The following CNTN3 variants were observed in gnomAD, a reference collection of about 807,000 sequenced individuals.
CNTN3 encodes the protein contactin 3.
Under a neutral mutation model 119.1 loss-of-function variants are expected in CNTN3, and 60 were observed. The observed-to-expected ratio is 0.50, with a 90% CI of 0.41 to 0.62. CNTN3 has a LOEUF of 0.62. Among genes scored for constraint, CNTN3 ranks in the 20% least tolerant of loss-of-function variants. The probability of loss-of-function intolerance (pLI) is 0.00; values close to 1 mark genes in which losing one functional copy is unlikely to be tolerated. For synonymous variants in CNTN3, 450 were observed against 438.7 expected (o/e 1.03, Z -0.32); for missense variants, 1,101 against 1,242.4 (o/e 0.89, Z 1.71).
chr3:74,445,378 T>A (rs928765036), intron 4 of CNTN3, among the ~76,000 whole-genome samples: 1 of 152,082 alleles, frequency 6.6e-6, no homozygotes, highest in Non-Finnish European at 1.5e-5. Context: ...TTCTCCTGCC[T>A]CAGCCTCTCG....
At chr3:74,458,067 G>C in intron 4 of CNTN3, among the ~76,000 whole-genome samples, 1 of 151,940 alleles carries the variant, frequency 6.6e-6, no homozygotes, top group East Asian at 1.9e-4. Context: ...GAGTGTTCCA[G>C]ACAAATGGAG....
chr3:74,494,610 C>T (rs1351296340), intron 3 of CNTN3, among the ~76,000 whole-genome samples: 3 of 152,056 alleles, frequency 2.0e-5, no homozygotes, highest in African/African-American at 7.2e-5. Context: ...GAATATCTTA[C>T]AGAATCAACT....
At chr3:74,551,281 CAGACTGATAA>C in intron 1 of CNTN3, among the ~76,000 whole-genome samples, 1 of 152,280 alleles carries the variant, frequency 6.6e-6, no homozygotes, top group African/African-American at 2.4e-5. Flanking sequence ...CAGAAGCTGT[CAGACTGATAA>C]AGAGGTATAG....
intron 20 of CNTN3, among the ~76,000 whole-genome samples, chr3:74,274,124 CACGCCCATCCCCCCAGCAG>C (rs570713552): frequency 6.6e-4 from 101 of 152,212 alleles, no homozygotes; most frequent in African/African-American, 2.4e-3. Context: ...CTGGGAACCT[CACGCCCATCCCCCCAGCAG>C]CTACGGCAAG....
intron 4 of CNTN3, among the ~76,000 whole-genome samples, chr3:74,449,404 C>CA (rs35918671): frequency 0.15 from 23,230 of 151,336 alleles, 2,040 homozygotes; most frequent in East Asian, 0.46. Context: ...TCTGCTGAAT[C>CA]AAAAAAAATG....
intron 2 of CNTN3, among the ~76,000 whole-genome samples, chr3:74,507,704 T>C (rs1379501555): frequency 6.9e-6 from 1 of 143,920 alleles, no homozygotes; most frequent in African/African-American, 2.6e-5. Flanking sequence ...CAATCTTGAC[T>C]CACTGCAACC....
intron 4 of CNTN3, among the ~76,000 whole-genome samples, chr3:74,426,121 G>A (rs1191854877): frequency 2.0e-5 from 3 of 152,074 alleles, no homozygotes; most frequent in Admixed American, 6.6e-5. Flanking sequence ...TTAAATTAAA[G>A]GAGAGAGAAA....
At chr3:74,585,921 C>A (rs1240780538) in intron 1 of CNTN3, among the ~76,000 whole-genome samples, 1 of 152,156 alleles carries the variant, frequency 6.6e-6, no homozygotes, top group Admixed American at 6.5e-5. Context: ...TTTATTTCAA[C>A]TTTCCACAGA....
intron 1 of CNTN3, among the ~76,000 whole-genome samples, chr3:74,528,482 C>T (rs1014982133): frequency 6.6e-6 from 1 of 151,824 alleles, no homozygotes; most frequent in East Asian, 1.9e-4. Context: ...TTTAGCTTGA[C>T]ATGTATGTAG....
At chr3:74,326,971 A>G (rs1346421395) in intron 13 of CNTN3, among the ~76,000 whole-genome samples, 1 of 152,136 alleles carries the variant, frequency 6.6e-6, no homozygotes, top group Non-Finnish European at 1.5e-5. Flanking sequence ...TTTAAAAGTC[A>G]GTAATTGGTC....
intron 5 of CNTN3, among the ~76,000 whole-genome samples, chr3:74,397,024 T>C (rs1307048370): frequency 2.0e-5 from 3 of 152,284 alleles, no homozygotes; most frequent in Admixed American, 1.3e-4. Context: ...AGGACTTTTA[T>C]AGCCAGAGAT....
intron 8 of CNTN3, among the ~76,000 whole-genome samples, 157 bp from the exon 9 acceptor site, chr3:74,365,859 C>T (rs1267469820): frequency 6.6e-6 from 1 of 152,100 alleles, no homozygotes; most frequent in East Asian, 1.9e-4. Flanking sequence ...ATTTTATTCA[C>T]TAAGTATCTA....
intron 5 of CNTN3, among the ~76,000 whole-genome samples, chr3:74,424,208 C>T (rs1701658635): frequency 6.6e-6 from 1 of 152,026 alleles, no homozygotes; most frequent in Admixed American, 6.6e-5. Context: ...CAGGCTCATA[C>T]TGGGGAGATA....
intron 4 of CNTN3, among the ~76,000 whole-genome samples, chr3:74,468,405 T>G (rs1322179498): frequency 6.6e-6 from 1 of 152,206 alleles, no homozygotes; most frequent in Non-Finnish European, 1.5e-5. Flanking sequence ...AAAAATTAAA[T>G]GTACATGTCA....
At chr3:74,497,665 A>G (rs1355899926) in intron 3 of CNTN3, among the ~76,000 whole-genome samples, 1 of 151,860 alleles carries the variant, frequency 6.6e-6, no homozygotes, top group Non-Finnish European at 1.5e-5. Flanking sequence ...TCATCAAACA[A>G]TACCAAACAT....
chr3:74,414,826 C>T (rs1701493379), intron 5 of CNTN3, among the ~76,000 whole-genome samples: 1 of 150,542 alleles, frequency 6.6e-6, no homozygotes, highest in Non-Finnish European at 1.5e-5. Flanking sequence ...ATTGCCCCCA[C>T]TTGCTAGTGC....
chr3:74,319,545 C>A (rs1301685880), intron 13 of CNTN3, among the ~76,000 whole-genome samples: 1 of 151,948 alleles, frequency 6.6e-6, no homozygotes, highest in Non-Finnish European at 1.5e-5. Context: ...ACATGTTAGA[C>A]CTAAAACCAT....
At chr3:74,274,970 T>C (rs1164989194) in intron 20 of CNTN3, among the ~76,000 whole-genome samples, 1 of 152,118 alleles carries the variant, frequency 6.6e-6, no homozygotes, top group Non-Finnish European at 1.5e-5. Context: ...AAATTAAAAC[T>C]TCCAGAAACA....
chr3:74,532,367 G>A (rs554558450), intron 1 of CNTN3, among the ~76,000 whole-genome samples: 1 of 151,936 alleles, frequency 6.6e-6, no homozygotes, highest in Non-Finnish European at 1.5e-5. Flanking sequence ...CCCCCTGGTG[G>A]ATGCTTGAAA....
Sources: allele counts gnomAD v4.1 joint callset (sites outside exome capture counted in the v4.1 genomes callset), GRCh38; gene constraint gnomAD v4.1.1; transcripts MANE v1.5; gene names NCBI Gene and HGNC (gene_info 2026-07-23, HGNC 2026-07-21).